KCNIP1: variants seen among roughly 807,000 people sequenced by gnomAD.
KCNIP1 encodes A-type potassium channel modulatory protein KCNIP1.
In KCNIP1, 18 loss-of-function variants were observed where a neutral mutation model predicts 33.0. That is an observed-to-expected ratio of 0.55 (90% confidence interval 0.38 to 0.81). KCNIP1 has a LOEUF of 0.81. KCNIP1 is among the 30% of genes least tolerant of loss of function. KCNIP1 has a pLI of 0.00. For missense variants in KCNIP1, 238 were observed against 271.6 expected (o/e 0.88, Z 0.87); for synonymous variants, 93 against 98.3 (o/e 0.95, Z 0.32).
intron 1 of KCNIP1, among the ~76,000 whole-genome samples, chr5:170,554,761 G>A (rs895304928): frequency 2.0e-5 from 3 of 152,004 alleles, no homozygotes; most frequent in Admixed American, 1.3e-4. Context: ...TCTGTTTATC[G>A]GTTCTCTTCC....
intron 1 of KCNIP1, among the ~76,000 whole-genome samples, chr5:170,460,819 G>T (rs913101900): frequency 6.6e-6 from 1 of 152,170 alleles, no homozygotes; most frequent in Non-Finnish European, 1.5e-5. Context: ...AATAAGACAA[G>T]AGAAAGAAAT....
intron 1 of KCNIP1, among the ~76,000 whole-genome samples, chr5:170,374,126 C>T (rs1198366644): frequency 6.6e-6 from 1 of 152,172 alleles, no homozygotes; most frequent in Non-Finnish European, 1.5e-5. Flanking sequence ...TGCCCTGACC[C>T]AAGGAGTTTA....
chr5:170,625,139 G>T (rs1759772209), intron 1 of KCNIP1, among the ~76,000 whole-genome samples: 1 of 152,156 alleles, frequency 6.6e-6, no homozygotes, highest in Admixed American at 6.5e-5. Flanking sequence ...TCTGGGTACT[G>T]AGGGGAGGGC....
In KCNIP1 at chr5:170,722,893, G is replaced by A. The variant is rs566384617; in HGVS notation, c.435+73G>A. The A allele has an allele frequency of 7.7e-6, 7 of 914,348 alleles. No homozygotes were observed. In the African/African-American group the frequency reaches 1.2e-4, roughly 15 times the overall value. 56.6% of individuals were successfully genotyped at this position (914,348 alleles called of 1,614,324 possible). ...CTAACCCAACAGAAAACAGCCCCAG[G>A]CATGAGGATAGCACTGTCTGAATGA... On this transcript the variant is annotated intron_variant, in intron 5 of 7. Transcript: ENST00000328939.
intron 1 of KCNIP1, among the ~76,000 whole-genome samples, chr5:170,626,172 T>G (rs1401000945): frequency 6.6e-6 from 1 of 152,238 alleles, no homozygotes; most frequent in Non-Finnish European, 1.5e-5. Context: ...ACTGTATGCA[T>G]GCCAGGCCTG....
At chr5:170,416,869 C>T (rs575725350) in intron 1 of KCNIP1, among the ~76,000 whole-genome samples, 2 of 152,302 alleles carry the variant, frequency 1.3e-5, no homozygotes, top group South Asian at 4.1e-4. Flanking sequence ...TTCCCAGATT[C>T]ACTAAAATTT....
At chr5:170,602,504 T>C (rs541657185) in intron 1 of KCNIP1, among the ~76,000 whole-genome samples, 2 of 152,370 alleles carry the variant, frequency 1.3e-5, no homozygotes, top group South Asian at 4.1e-4. Flanking sequence ...AGTGAGCATC[T>C]ACCTGCCTGC....
At chr5:170,514,925 A>G (rs1755068562) in intron 1 of KCNIP1, among the ~76,000 whole-genome samples, 1 of 152,248 alleles carries the variant, frequency 6.6e-6, no homozygotes, top group Non-Finnish European at 1.5e-5. Flanking sequence ...CTTTCGGTAC[A>G]TTAAGCTAAT....
At chr5:170,378,839 T>TA (rs1192645244) in intron 1 of KCNIP1, 2 of 1,614,206 alleles carry the variant, frequency 1.2e-6, no homozygotes, top group South Asian at 2.2e-5. Context: ...GGCGCTGGAA[T>TA]AGGACGCTGG....
intron 1 of KCNIP1, among the ~76,000 whole-genome samples, chr5:170,611,572 C>T (rs868629418): frequency 6.6e-6 from 1 of 152,218 alleles, no homozygotes; most frequent in South Asian, 2.1e-4. Context: ...ACACAGACAG[C>T]ATGTGTCTCT....
intron 1 of KCNIP1, among the ~76,000 whole-genome samples, chr5:170,599,376 C>T (rs758406260): frequency 3.9e-5 from 6 of 152,104 alleles, no homozygotes; most frequent in Admixed American, 2.0e-4. Context: ...CCCGAGGAAT[C>T]GCGTGCAATG....
chr5:170,619,605 G>C (rs1381340572), intron 1 of KCNIP1, among the ~76,000 whole-genome samples: 1 of 152,114 alleles, frequency 6.6e-6, no homozygotes, highest in Non-Finnish European at 1.5e-5. Flanking sequence ...ATCCATCAGT[G>C]CCAAAAACAG....
At chr5:170,376,886 A>AAC (rs1554087412) in intron 1 of KCNIP1, 1 of 152,252 alleles carries the variant, frequency 6.6e-6, no homozygotes, top group Non-Finnish European at 1.5e-5. Context: ...TTAAGAAAAA[A>AAC]ACACACACAC....
intron 1 of KCNIP1, among the ~76,000 whole-genome samples, chr5:170,689,258 C>A (rs1762640269): frequency 1.3e-5 from 2 of 152,194 alleles, no homozygotes; most frequent in Non-Finnish European, 2.9e-5. Context: ...TACAAAGATG[C>A]ATGAGACTTG....
chr5:170,628,485 C>CGTGTGTGT (rs58781683), intron 1 of KCNIP1, among the ~76,000 whole-genome samples: 1 of 151,436 alleles, frequency 6.6e-6, no homozygotes, highest in African/African-American at 2.4e-5. Flanking sequence ...CTCCAAAGGG[C>CGTGTGTGT]GTGTGTGTGT....
intron 1 of KCNIP1, among the ~76,000 whole-genome samples, chr5:170,585,447 C>T (rs773475688): frequency 8.5e-5 from 13 of 152,148 alleles, no homozygotes; most frequent in Non-Finnish European, 1.2e-4. Flanking sequence ...GTATTTTCCC[C>T]GAAGCCTCTC....
chr5:170,426,262 C>CACACAT (rs751975128), intron 1 of KCNIP1, among the ~76,000 whole-genome samples: 219 of 152,024 alleles, frequency 1.4e-3, no homozygotes, highest in African/African-American at 5.1e-3. Flanking sequence ...CACACACACA[C>CACACAT]ACACACACAC....
intron 1 of KCNIP1, among the ~76,000 whole-genome samples, chr5:170,606,374 G>A (rs187103573): frequency 5.6e-4 from 86 of 152,294 alleles, no homozygotes; most frequent in African/African-American, 2.0e-3. Flanking sequence ...CAAGGTGCAA[G>A]GGTATCAGTT....
intron 1 of KCNIP1, among the ~76,000 whole-genome samples, chr5:170,570,656 T>C (rs1205373712): frequency 6.6e-6 from 1 of 152,230 alleles, no homozygotes; most frequent in African/African-American, 2.4e-5. Flanking sequence ...TCAGAAGTGG[T>C]AATTATGACT....
Sources: allele counts gnomAD v4.1 joint callset (sites outside exome capture counted in the v4.1 genomes callset), GRCh38; gene constraint gnomAD v4.1.1; transcripts MANE v1.5; gene names NCBI Gene and HGNC (gene_info 2026-07-23, HGNC 2026-07-21).